The following ZNF396 variants were observed in gnomAD, a reference collection of about 807,000 sequenced individuals.
ZNF396 encodes the protein zinc finger protein 396.
A neutral mutation model predicts 20.5 loss-of-function variants in ZNF396; 14 were observed. The observed-to-expected ratio is 0.68, with a 90% CI of 0.45 to 1.07. ZNF396 has a LOEUF of 1.07. Ranked by LOEUF, ZNF396 falls within the 50% of genes least tolerant of loss-of-function variation. The pLI, the probability that ZNF396 is intolerant of heterozygous loss-of-function variation, is 0.00. For missense variants in ZNF396, 347 were observed against 390.1 expected (o/e 0.89, Z 0.93); for synonymous variants, 119 against 140.6 (o/e 0.85, Z 1.08).
rs1043226583 is a variant in ZNF396 at position 35,373,774 on chromosome 18, A to C, written c.417+102T>G. On this transcript the variant is annotated intron_variant, in intron 2 of 3. Coordinates refer to ENST00000589332, the MANE Select transcript of ZNF396 (RefSeq NM_001322286.2). The stretch of plus-strand genomic sequence containing the variant: ...TTAGTACTTTCACCCCTATACATCC[A>C]GTTGTGCTGAGTGGGAATACAGTTT... 5.3e-6 allele frequency: 8 copies of C among 1,509,992 alleles called. No homozygotes were observed. The African/African-American group carries it at 1.1e-4, about 21-fold the overall frequency. 93.5% of individuals were successfully genotyped at this position (1,509,992 alleles called of 1,614,324 possible). A position where few individuals can be genotyped will look rare whatever the true frequency, so the allele number is the denominator to read the frequency against.
chr18:35,368,482 T>TTTTATTTGTTTA lies in ZNF396; in HGVS notation c.*732_*733insTAAACAAATAAA. 3.0e-6 allele frequency: 1 copy of TTTTATTTGTTTA among 338,396 alleles called. No homozygotes were observed. Among genetic ancestry groups the TTTTATTTGTTTA allele is most frequent in the Non-Finnish European group, 5.0e-6 (1 of 199,984 alleles). The allele number at this position is 338,396 out of a possible 1,614,324, so 21.0% of individuals were successfully genotyped here. A position where few individuals can be genotyped will look rare whatever the true frequency, so the allele number is the denominator to read the frequency against. ...AGACAAAATAGGAATTTATTTTTAT[T>TTTTATTTGTTTA]TTTATTTATTTATTTATTTATTTAT... On this transcript the variant is annotated 3_prime_UTR_variant, in exon 4 of 4. Coordinates refer to ENST00000589332, the MANE Select transcript of ZNF396 (RefSeq NM_001322286.2).
At chr18:35,372,950 C>T (rs2045202881) in intron 3 of ZNF396, 1 of 154,616 alleles carries the variant, frequency 6.5e-6, no homozygotes, top group Admixed American at 6.5e-5. Flanking sequence ...CACAGCTATT[C>T]TGGAGCACTT....
Position 35,374,211 on chromosome 18 carries a change from C to T in ZNF396, c.82G>A (p.Glu28Lys). 4 of 1,614,208 alleles carry T rather than the reference C, an allele frequency of 2.5e-6. No individual in the cohort carries two copies. Among genetic ancestry groups the T allele is most frequent in the East Asian group, 2.2e-5 (1 of 44,880 alleles). ...ECNGILTEKM[E>K]EEEQTCDPDS... ...GGATCACAGGTCTGCTCTTCCTCTT[C>T]CATCTTCTCTGTCAGAATCCCATTA... is the stretch of plus-strand genomic sequence containing the variant. Residue 28 changes from glutamate (E) to lysine (K), a missense_variant, in exon 2 of 4, where the codon GAA becomes AAA. Glu to Lys is a moderately conservative substitution (Grantham distance 56, BLOSUM62 1). Transcript: ENST00000589332. The surrounding 1 kb of genome is among the most constrained non-coding windows in gnomAD (Gnocchi z 4.3).
chr18:35,372,118 A>C (rs573873045), intron 3 of ZNF396: 1 of 152,194 alleles, frequency 6.6e-6, no homozygotes, highest in East Asian at 1.9e-4. Flanking sequence ...GACCTGTTGC[A>C]TTCTGTTTCA....
intron 3 of ZNF396, among the ~76,000 whole-genome samples, chr18:35,370,158 G>C (rs926727721): frequency 2.1e-4 from 32 of 152,130 alleles, no homozygotes; most frequent in Admixed American, 2.0e-3. Context: ...ATATAAGTTA[G>C]GCCAATAAAG....
chr18:35,374,356 T>A lies in ZNF396; in HGVS notation c.-64A>T. 2 of 1,459,050 alleles carry A rather than the reference T, an allele frequency of 1.4e-6. No homozygotes were observed. Among genetic ancestry groups the A allele is most frequent in the South Asian group, 1.2e-5 (1 of 80,752 alleles). The allele number at this position is 1,459,050 out of a possible 1,614,324, so 90.4% of individuals were successfully genotyped here. A position where few individuals can be genotyped will look rare whatever the true frequency, so the allele number is the denominator to read the frequency against. ...CCTCAAGGAGGTGAAGCTGTCCTGA[T>A]GGACACTCCTTAAATATGATTAAAG... On this transcript the variant is annotated 5_prime_UTR_variant, in exon 2 of 4. Coordinates refer to ENST00000589332, the MANE Select transcript of ZNF396 (RefSeq NM_001322286.2). The surrounding 1 kb of genome is among the most constrained non-coding windows in gnomAD (Gnocchi z 4.3).
rs1038049761 is a variant in ZNF396, at chr18:35,373,250, C to T, written c.562+206G>A. ...GATGCAGATGTCAGGGATTTAAAGT[C>T]TGAAGATTTTATAAGAATCTCTGAA... On this transcript the variant is annotated intron_variant, in intron 3 of 3. Transcript: ENST00000589332. 6.8e-6 allele frequency: 4 copies of T among 587,016 alleles called. No homozygotes were observed. In the South Asian group the frequency reaches 1.9e-4, roughly 27 times the overall value. The allele number at this position is 587,016 out of a possible 1,614,324, so 36.4% of individuals were successfully genotyped here.
intron 3 of ZNF396, chr18:35,372,617 TAGA>T (rs959395105): frequency 6.6e-6 from 1 of 152,206 alleles, no homozygotes; most frequent in African/African-American, 2.4e-5. Flanking sequence ...GATGATCATC[TAGA>T]AGGAGGGTCT....
In ZNF396 at chr18:35,375,721, A is replaced by T. The variant is rs2045248138; in HGVS notation, c.-72-1357T>A. On this transcript the variant is annotated intron_variant, in intron 1 of 3. Transcript: ENST00000589332. ...ATTTTACTGTTAAGTATCACCAGTA[A>T]CTAATCTCATTTTGTTGTTGTTGTT... Among the ~76,000 whole-genome samples the T allele has an allele frequency of 2.0e-5, 3 of 152,150 alleles. No individual in the cohort carries two copies. In the South Asian group the frequency reaches 6.2e-4, roughly 32 times the overall value.
chr18:35,371,051 G>C (rs112589741), intron 3 of ZNF396, among the ~76,000 whole-genome samples: 1 of 152,148 alleles, frequency 6.6e-6, no homozygotes, highest in Non-Finnish European at 1.5e-5. Flanking sequence ...GTTAGGGTGA[G>C]AAAGGTAGTC....
In ZNF396 at chr18:35,367,903, A is replaced by G. The variant is rs1345290331; in HGVS notation, c.*1312T>C. 6.6e-6 allele frequency: 1 copy of G among 152,258 alleles called. No individual in the cohort carries two copies. Among genetic ancestry groups the G allele is most frequent in the African/African-American group, 2.4e-5 (1 of 41,470 alleles). 9.4% of individuals were successfully genotyped at this position (152,258 alleles called of 1,614,324 possible). On this transcript the variant is annotated 3_prime_UTR_variant, in exon 4 of 4. Transcript: ENST00000589332. ...GCGTGTCTAGAAACTCATCTTACTA[A>G]GAATACAGAAGACTCTGAAAAGGTT...
chr18:35,369,717 T>C, intron 3 of ZNF396, 57 bp from the exon 4 acceptor site: 1 of 1,469,746 alleles, frequency 6.8e-7, no homozygotes, highest in Non-Finnish European at 9.2e-7. Flanking sequence ...AAATGAAATA[T>C]ACATGATTAT....
At chr18:35,373,823 G>A in intron 2 of ZNF396, 53 bp downstream of exon 2, 1 of 1,563,544 alleles carries the variant, frequency 6.4e-7, no homozygotes, top group Non-Finnish European at 8.7e-7. Flanking sequence ...CCAATGATGT[G>A]CCAGTGCTCT....
chr18:35,377,147 G>A (rs1319691006), intron 1 of ZNF396, 131 bp downstream of exon 1: 1 of 152,556 alleles, frequency 6.6e-6, no homozygotes, highest in African/African-American at 2.4e-5. Flanking sequence ...CGGTGTAAGG[G>A]TGCTGCACTT....
At position 35,367,174 on chromosome 18, in the gene ZNF396, A is replaced by G. The variant is rs930789200; in HGVS notation, c.*2041T>C. ...GAGCCCCAAATAAAAAGTATCCTAC[A>G]TTTTTAGTGACTCAAGATACACACA... is the stretch of plus-strand genomic sequence containing the variant. On this transcript the variant is annotated 3_prime_UTR_variant, in exon 4 of 4. Coordinates refer to ENST00000589332, the MANE Select transcript of ZNF396 (RefSeq NM_001322286.2). 9 of 152,232 alleles carry G rather than the reference A, an allele frequency of 5.9e-5. No individual in the cohort carries two copies. The highest frequency in any genetic ancestry group is 1.7e-4 in the African/African-American group (7 of 41,462). The allele number at this position is 152,232 out of a possible 1,614,324, so 9.4% of individuals were successfully genotyped here. A position where few individuals can be genotyped will look rare whatever the true frequency, so the allele number is the denominator to read the frequency against.
At chr18:35,370,574 G>A (rs1277420670) in intron 3 of ZNF396, among the ~76,000 whole-genome samples, 1 of 142,760 alleles carries the variant, frequency 7.0e-6, no homozygotes, top group African/African-American at 2.6e-5. Flanking sequence ...GTGCAGTGGC[G>A]GGATCTCGGC....
intron 1 of ZNF396, among the ~76,000 whole-genome samples, chr18:35,375,429 T>G (rs1249282382): frequency 1.3e-5 from 2 of 152,222 alleles, no homozygotes; most frequent in African/African-American, 4.8e-5. Flanking sequence ...CTATTATAAT[T>G]AATGCTGGGA....
rs369077630 is a variant in ZNF396, at chr18:35,376,933, C to CT, written c.-73+344dup. 6.1e-3 allele frequency among the ~76,000 whole-genome samples: 930 copies of CT among 152,252 alleles called. 11 individuals are homozygous for CT. Among genetic ancestry groups the CT allele is most frequent in the African/African-American group, 0.021 (880 of 41,552 alleles). ...CTGTGGTGGGCCGGCTCTGGGAGGG[C>CT]TGGCTTCCGACCATCTCCCGACCTC... On this transcript the variant is annotated intron_variant, in intron 1 of 3. Transcript: ENST00000589332.
At chr18:35,369,811 A>G (rs1174278742) in intron 3 of ZNF396, 151 bp from the exon 4 acceptor site, 1 of 856,936 alleles carries the variant, frequency 1.2e-6, no homozygotes, top group Non-Finnish European at 1.7e-6. Flanking sequence ...TAAGACATAG[A>G]GAAAGGTTTA....
Sources: allele counts gnomAD v4.1 joint callset (sites outside exome capture counted in the v4.1 genomes callset), GRCh38; gene constraint gnomAD v4.1.1; non-coding constraint Gnocchi (gnomAD v3.1); transcripts MANE v1.5; gene names NCBI Gene and HGNC (gene_info 2026-07-23, HGNC 2026-07-21).